RSPO2: variants seen among roughly 807,000 people sequenced by gnomAD.
RSPO2 encodes the protein R-spondin 2, also known as R-spondin-2.
Under a neutral mutation model 30.9 loss-of-function variants are expected in RSPO2, and 14 were observed. The observed-to-expected ratio is 0.45, with a 90% CI of 0.30 to 0.71. The LOEUF is 0.71. Ranked by LOEUF, RSPO2 falls within the 30% of genes least tolerant of loss-of-function variation. The pLI, the probability that RSPO2 is intolerant of heterozygous loss-of-function variation, is 0.08. For synonymous variants in RSPO2, 107 were observed against 96.4 expected (o/e 1.11, Z -0.64); for missense variants, 264 against 301.9 (o/e 0.87, Z 0.93).
At chr8:107,904,080 T>C (rs1442904523) in intron 5 of RSPO2, among the ~76,000 whole-genome samples, 3 of 152,044 alleles carry the variant, frequency 2.0e-5, no homozygotes, top group African/African-American at 7.2e-5. Flanking sequence ...AAAATCCTCG[T>C]TTTATCTATA....
chr8:107,943,941 C>T (rs1812977362), intron 5 of RSPO2, among the ~76,000 whole-genome samples: 1 of 152,288 alleles, frequency 6.6e-6, no homozygotes, highest in East Asian at 1.9e-4. Context: ...GGGACGGGAG[C>T]TTACACAATA....
chr8:107,912,365 TC>T (rs926003524), intron 5 of RSPO2, among the ~76,000 whole-genome samples: 2 of 152,136 alleles, frequency 1.3e-5, no homozygotes, highest in Non-Finnish European at 2.9e-5. Flanking sequence ...CAAACCTCTT[TC>T]TGCCTGGACT....
intron 5 of RSPO2, among the ~76,000 whole-genome samples, chr8:107,911,446 T>C (rs1811824116): frequency 6.6e-6 from 1 of 152,178 alleles, no homozygotes; most frequent in Non-Finnish European, 1.5e-5. Context: ...AGCAGAGTTA[T>C]GCCACTTAGA....
intron 5 of RSPO2, among the ~76,000 whole-genome samples, chr8:107,904,391 G>A (rs1407795205): frequency 6.6e-6 from 1 of 151,930 alleles, no homozygotes; most frequent in Non-Finnish European, 1.5e-5. Flanking sequence ...GTTTTACGAG[G>A]GGATTGTCAA....
At chr8:108,016,918 G>A (rs2130601162) in intron 2 of RSPO2, among the ~76,000 whole-genome samples, 1 of 151,898 alleles carries the variant, frequency 6.6e-6, no homozygotes, top group South Asian at 2.1e-4. Flanking sequence ...GCAGATGCCA[G>A]CACCATGCTT....
chr8:108,029,824 A>G (rs563489977), intron 2 of RSPO2, among the ~76,000 whole-genome samples: 1 of 152,180 alleles, frequency 6.6e-6, no homozygotes, highest in African/African-American at 2.4e-5. Context: ...AAAACTCTTA[A>G]GTCTGACTGA....
At chr8:108,044,346 G>A (rs1811845743) in intron 2 of RSPO2, among the ~76,000 whole-genome samples, 1 of 152,018 alleles carries the variant, frequency 6.6e-6, no homozygotes, top group Admixed American at 6.6e-5. Context: ...CACAGGTAGT[G>A]AGCATAGTAC....
rs571741064 is a variant in RSPO2, at chr8:107,899,628, GA to G, written c.*1446del. On this transcript the variant is annotated 3_prime_UTR_variant, in exon 6 of 6. Transcript: ENST00000276659. The stretch of plus-strand genomic sequence containing the variant: ...AGAGGTAGTTTTGCCAATGCAAGGT[GA>G]AAAAAAAAAGGCTTTACCTTGCTTT... The G allele has an allele frequency of 3.2e-4, 46 of 145,890 alleles. No individual in the cohort carries two copies. Among genetic ancestry groups the G allele is most frequent in the African/African-American group, 8.5e-4 (34 of 39,818 alleles). The allele number at this position is 145,890 out of a possible 1,614,324, so 9.0% of individuals were successfully genotyped here. A position where few individuals can be genotyped will look rare whatever the true frequency, so the allele number is the denominator to read the frequency against.
intron 2 of RSPO2, among the ~76,000 whole-genome samples, chr8:108,063,998 C>A (rs1303620987): frequency 6.6e-6 from 1 of 152,140 alleles, no homozygotes; most frequent in Non-Finnish European, 1.5e-5. Flanking sequence ...GAAGCTGGAT[C>A]CCTTCCTTAC....
chr8:108,038,210 T>C (rs1476095138), intron 2 of RSPO2, among the ~76,000 whole-genome samples: 1 of 152,144 alleles, frequency 6.6e-6, no homozygotes, highest in Non-Finnish European at 1.5e-5. Flanking sequence ...ATGTATAACT[T>C]CAGGGGTTCA....
At chr8:108,028,331 C>G (rs1811290652) in intron 2 of RSPO2, among the ~76,000 whole-genome samples, 1 of 152,134 alleles carries the variant, frequency 6.6e-6, no homozygotes, top group African/African-American at 2.4e-5. Context: ...CAATTGCTTC[C>G]TTTTCTCCAA....
chr8:107,908,944 C>T (rs540112872), intron 5 of RSPO2, among the ~76,000 whole-genome samples: 1 of 152,128 alleles, frequency 6.6e-6, no homozygotes, highest in Non-Finnish European at 1.5e-5. Flanking sequence ...TGCAAATGAT[C>T]TTCACTAACT....
At chr8:108,059,753 C>CA (rs1370888883) in intron 2 of RSPO2, among the ~76,000 whole-genome samples, 1 of 147,996 alleles carries the variant, frequency 6.8e-6, no homozygotes, top group Non-Finnish European at 1.5e-5. Flanking sequence ...ATCACAAGAA[C>CA]AAAAAACCAA....
chr8:108,051,716 C>T (rs557285714), intron 2 of RSPO2, among the ~76,000 whole-genome samples: 1 of 152,152 alleles, frequency 6.6e-6, no homozygotes, highest in African/African-American at 2.4e-5. Context: ...CAGATCCATT[C>T]CTTCAACATG....
intron 5 of RSPO2, among the ~76,000 whole-genome samples, chr8:107,911,613 A>AT (rs2130275237): frequency 6.6e-6 from 1 of 152,312 alleles, no homozygotes; most frequent in South Asian, 2.1e-4. Flanking sequence ...TAAATAAACG[A>AT]TAGCGCTATA....
chr8:108,060,093 C>T (rs1303084884), intron 2 of RSPO2, among the ~76,000 whole-genome samples: 1 of 151,718 alleles, frequency 6.6e-6, no homozygotes, highest in Non-Finnish European at 1.5e-5. Flanking sequence ...GTCTACAGCT[C>T]CCAGCATGGT....
intron 3 of RSPO2, among the ~76,000 whole-genome samples, chr8:107,975,891 T>C (rs1814188797): frequency 6.6e-6 from 1 of 152,206 alleles, no homozygotes; most frequent in Non-Finnish European, 1.5e-5. Flanking sequence ...ACTGAGAGAT[T>C]TGGCATGTAA....
intron 5 of RSPO2, among the ~76,000 whole-genome samples, chr8:107,935,869 T>C (rs1011703812): frequency 4.6e-5 from 7 of 152,160 alleles, no homozygotes; most frequent in Non-Finnish European, 8.8e-5. Context: ...ATCTGAATAT[T>C]TGTTACATGC....
At position 107,900,962 on chromosome 8, in the gene RSPO2, C is replaced by CAGAT; in HGVS notation, c.*109_*112dup. 2 of 1,110,206 alleles carry CAGAT rather than the reference C, an allele frequency of 1.8e-6. No homozygotes were observed. Among genetic ancestry groups the CAGAT allele is most frequent in the Admixed American group, 2.4e-5 (1 of 41,866 alleles). The allele number at this position is 1,110,206 out of a possible 1,614,324, so 68.8% of individuals were successfully genotyped here. A position where few individuals can be genotyped will look rare whatever the true frequency, so the allele number is the denominator to read the frequency against. The stretch of plus-strand genomic sequence containing the variant: ...CTTCCTTTCACCATGTTACTGGGAA[C>CAGAT]AGATACTGGGCAGAGCAGCACAAAG... On this transcript the variant is annotated 3_prime_UTR_variant, in exon 6 of 6. Coordinates refer to ENST00000276659, the MANE Select transcript of RSPO2 (RefSeq NM_178565.5).
Sources: allele counts gnomAD v4.1 joint callset (sites outside exome capture counted in the v4.1 genomes callset), GRCh38; gene constraint gnomAD v4.1.1; transcripts MANE v1.5; gene names NCBI Gene and HGNC (gene_info 2026-07-23, HGNC 2026-07-21).